MMP26: variants seen among roughly 807,000 people sequenced by gnomAD.
The protein encoded by MMP26 is matrix metallopeptidase 26, also known as matrix metalloproteinase-26.
MMP26 carries 33 observed loss-of-function variants against 31.0 expected under a neutral mutation model. That is an observed-to-expected ratio of 1.06 (90% CI 0.81 to 1.42). MMP26 has a LOEUF of 1.42. MMP26 is among the 40% of genes most tolerant of loss of function. The pLI is 0.00. For missense variants in MMP26, 347 were observed against 316.1 expected, an observed-to-expected ratio of 1.10 and a Z score of -0.74; for synonymous variants, 122 against 114.9, an observed-to-expected ratio of 1.06 and a Z score of -0.40.
chr11:4,754,886 C>G (rs1414689247), intron 1 of MMP26, among the ~76,000 whole-genome samples: 1 of 151,942 alleles, frequency 6.6e-6, no homozygotes, highest in African/African-American at 2.4e-5. Context: ...AGCTCAAACA[C>G]AATATGATTG....
intron 1 of MMP26, among the ~76,000 whole-genome samples, chr11:4,705,288 T>G (rs1847760360): frequency 6.6e-6 from 1 of 152,058 alleles, no homozygotes; most frequent in South Asian, 2.1e-4. Context: ...AAAAAAAAAT[T>G]TAAATAAGGA....
At position 4,874,298 on chromosome 11, in the gene MMP26, A is replaced by C. The variant is rs777525808; in HGVS notation, c.-145+106957A>C. On this transcript the variant is annotated intron_variant, in intron 2 of 7. Transcript: ENST00000380390. Reference sequence around the variant, plus strand: ...GGGCTACCATATTGGACAGTACTGCACTAAACTACTGACTGACAAATTTGG... The same window carrying C: ...GGGCTACCATATTGGACAGTACTGCCCTAAACTACTGACTGACAAATTTGG... Among the ~76,000 whole-genome samples the C allele has an allele frequency of 7.1e-4, 108 of 152,130 alleles. 1 individual carries two copies. The highest frequency in any genetic ancestry group is 1.4e-3 in the Non-Finnish European group (94 of 68,004).
At chr11:4,889,382 C>T (rs1850585613) in intron 2 of MMP26, among the ~76,000 whole-genome samples, 1 of 152,054 alleles carries the variant, frequency 6.6e-6, no homozygotes, top group Non-Finnish European at 1.5e-5. Context: ...GGAATAATAA[C>T]AAAAAATTAT....
chr11:4,822,325 C>T (rs1230451762), intron 2 of MMP26: 2 of 1,500,272 alleles, frequency 1.3e-6, no homozygotes, highest in Non-Finnish European at 1.8e-6. Context: ...TAAGCAGATT[C>T]AAAAGGCCAT....
chr11:4,890,383 C>A, intron 2 of MMP26: 2 of 174,550 alleles, frequency 1.1e-5, no homozygotes, highest in South Asian at 2.9e-4. Context: ...AGGCCCAGAT[C>A]AGAGACAGCC....
intron 2 of MMP26, chr11:4,769,167 C>T (rs1372929754): frequency 1.2e-6 from 2 of 1,613,848 alleles, no homozygotes; most frequent in Non-Finnish European, 1.7e-6. Flanking sequence ...TAGAAGAAAG[C>T]AACTGCTCCC....
chr11:4,730,404 A>AAGAGAGAGAGAGAGAGAG (rs59289871), intron 1 of MMP26, among the ~76,000 whole-genome samples: 1,592 of 144,942 alleles, frequency 0.011, 17 homozygotes, highest in African/African-American at 0.02. Flanking sequence ...GTTTCTGGGA[A>AAGAGAGAGAGAGAGAGAG]AGAGAGAGAG....
chr11:4,719,714 T>G (rs1847985620), intron 1 of MMP26, among the ~76,000 whole-genome samples: 1 of 152,212 alleles, frequency 6.6e-6, no homozygotes, highest in Non-Finnish European at 1.5e-5. Context: ...TCAGAGAGAT[T>G]AATATGAGCT....
intron 2 of MMP26, among the ~76,000 whole-genome samples, chr11:4,853,671 G>T (rs1450455933): frequency 1.3e-5 from 2 of 152,224 alleles, no homozygotes; most frequent in East Asian, 3.9e-4. Flanking sequence ...ACTAAAAAAT[G>T]CCAAGGTCCA....
chr11:4,714,755 G>A lies in MMP26; in HGVS notation c.-217+9710G>A, dbSNP rs867847334. 5.3e-5 allele frequency among the ~76,000 whole-genome samples: 8 copies of A among 152,048 alleles called. No homozygotes were observed. The South Asian group carries it at 1.5e-3, about 28-fold the overall frequency. ...AGAGAGATAAGTCAAGGTAGCCCAGGAAATAACTTGAAACACATTCTTACA... is the reference window on the plus strand; with the variant it reads ...AGAGAGATAAGTCAAGGTAGCCCAGAAAATAACTTGAAACACATTCTTACA... On this transcript the variant is annotated intron_variant, in intron 1 of 7. Transcript: ENST00000380390.
intron 1 of MMP26, chr11:4,710,342 C>T (rs1302183593): frequency 2.2e-6 from 1 of 456,754 alleles, no homozygotes; most frequent in African/African-American, 2.0e-5. Context: ...TCCCCATGAT[C>T]AGTTTGTCAC....
intron 2 of MMP26, among the ~76,000 whole-genome samples, chr11:4,956,598 A>T (rs897695901): frequency 3.3e-5 from 5 of 152,156 alleles, no homozygotes; most frequent in Non-Finnish European, 7.3e-5. Context: ...AGATGCTATG[A>T]GTTGATTCTG....
intron 2 of MMP26, among the ~76,000 whole-genome samples, chr11:4,936,891 A>G (rs1846120894): frequency 6.6e-6 from 1 of 152,196 alleles, no homozygotes; most frequent in Non-Finnish European, 1.5e-5. Context: ...TGCAGTTAAT[A>G]TACATATTTT....
At chr11:4,818,497 A>G (rs1849451167) in intron 2 of MMP26, among the ~76,000 whole-genome samples, 1 of 152,008 alleles carries the variant, frequency 6.6e-6, no homozygotes, top group South Asian at 2.1e-4. Context: ...TGAAAAAAAG[A>G]TTCATTATAT....
chr11:4,789,280 A>G (rs548666928), intron 2 of MMP26, among the ~76,000 whole-genome samples: 1 of 152,270 alleles, frequency 6.6e-6, no homozygotes, highest in African/African-American at 2.4e-5. Context: ...ATGTTTCTAA[A>G]GCCTCTTCTC....
chr11:4,857,809 CA>C (rs1337754732), intron 2 of MMP26, among the ~76,000 whole-genome samples: 5 of 152,106 alleles, frequency 3.3e-5, no homozygotes, highest in African/African-American at 1.2e-4. Context: ...TGATGAACAT[CA>C]ATGCAAAAAT....
chr11:4,938,189 C>T (rs1451392998), intron 2 of MMP26: 1 of 152,064 alleles, frequency 6.6e-6, no homozygotes, highest in Non-Finnish European at 1.5e-5. Flanking sequence ...AGAAGGTACA[C>T]AGATAAGAAA....
At chr11:4,773,578 GGT>G (rs1848753667) in intron 2 of MMP26, among the ~76,000 whole-genome samples, 1 of 150,876 alleles carries the variant, frequency 6.6e-6, no homozygotes, top group Admixed American at 6.6e-5. Context: ...GGAATTCAGA[GGT>G]GTAGTGTTTG....
At chr11:4,921,144 G>C (rs77672101) in intron 2 of MMP26, among the ~76,000 whole-genome samples, 2,100 of 152,260 alleles carry the variant, frequency 0.014, 51 homozygotes, top group African/African-American at 0.048. Context: ...CAGCTTGTAG[G>C]ACTTTTATAT....
Sources: allele counts gnomAD v4.1 joint callset (sites outside exome capture counted in the v4.1 genomes callset), GRCh38; gene constraint gnomAD v4.1.1; transcripts MANE v1.5; gene names NCBI Gene and HGNC (gene_info 2026-07-23, HGNC 2026-07-21).